NRL: variants seen among roughly 807,000 people sequenced by gnomAD.
NRL encodes the protein neural retina leucine zipper, also known as neural retina-specific leucine zipper protein.
NRL carries 16 observed loss-of-function variants against 12.5 expected under a neutral mutation model. The observed-to-expected ratio is 1.28, with a 90% CI of 0.87 to 1.95. NRL has a LOEUF of 1.95. Ranked by LOEUF, NRL falls within the 30% of genes most tolerant of loss-of-function variation. The probability of loss-of-function intolerance (pLI) is 0.00; values close to 1 mark genes in which losing one functional copy is unlikely to be tolerated. For missense variants in NRL, 314 were observed against 325.8 expected (o/e 0.96, Z 0.28); for synonymous variants, 142 against 150.9 (o/e 0.94, Z 0.43).
intron 1 of NRL, among the ~76,000 whole-genome samples, chr14:24,090,937 T>G (rs2036610203): frequency 6.6e-6 from 1 of 152,190 alleles, no homozygotes; most frequent in Admixed American, 6.5e-5. Context: ...TAAGTGCCTG[T>G]TATAGGCCAG....
At chr14:24,082,174 A>AC (rs1449484518) in intron 2 of NRL, 2 of 694,578 alleles carry the variant, frequency 2.9e-6, no homozygotes, top group South Asian at 6.5e-5. Flanking sequence ...GTATCTGTTT[A>AC]CCCCCCGGAG....
intron 1 of NRL, chr14:24,110,672 A>C (rs1256063287): frequency 1.3e-5 from 2 of 152,402 alleles, no homozygotes; most frequent in African/African-American, 2.4e-5. Flanking sequence ...CCATATTGCA[A>C]GATATTTAGA....
chr14:24,082,369 G>A, intron 2 of NRL, 99 bp downstream of exon 2: 1 of 1,478,056 alleles, frequency 6.8e-7, no homozygotes, highest in Non-Finnish European at 9.4e-7. Context: ...TCTGTCCCCT[G>A]TCCCAGTCCA....
In NRL at chr14:24,100,149, C is replaced by T. The variant is rs142798631; in HGVS notation, c.-28+14573G>A. 1.3e-4 allele frequency: 203 copies of T among 1,613,734 alleles called. No homozygotes were observed. Among genetic ancestry groups the T allele is most frequent in the Non-Finnish European group, 1.6e-4 (193 of 1,179,832 alleles). On this transcript the variant is annotated intron_variant, in intron 1 of 2. Coordinates refer to ENST00000561028, the MANE Select transcript of NRL (RefSeq NM_001354768.3). ...GTGATGGTGGCGTGTACTGGGAGGG[C>T]ATTGACCAGCCTCTTCCACCTGGTG...
chr14:24,102,896 C>T (rs1566581119), intron 1 of NRL: 1 of 1,612,474 alleles, frequency 6.2e-7, no homozygotes, highest in Non-Finnish European at 8.5e-7. Flanking sequence ...CAAAGGTAAA[C>T]AACATATGAG....
At chr14:24,114,531 A>G (rs2037490879) in intron 1 of NRL, 191 bp downstream of exon 1, 1 of 282,436 alleles carries the variant, frequency 3.5e-6, no homozygotes, top group Non-Finnish European at 5.3e-6. Context: ...CCTTGCTAAA[A>G]TACCTCTCGG....
At position 24,110,008 on chromosome 14, in the gene NRL, G is replaced by C. The variant is rs181440570; in HGVS notation, c.-28+4714C>G. ...TTTTGTTCGTTTTTCTGGACCTCAG[G>C]TGCTATAGCTGTATTCATCATAATC... is the stretch of plus-strand genomic sequence containing the variant. On this transcript the variant is annotated intron_variant, in intron 1 of 2. Transcript: ENST00000561028. 3.0e-3 allele frequency among the ~76,000 whole-genome samples: 461 copies of C among 152,206 alleles called. 4 individuals carry two copies. Among genetic ancestry groups the C allele is most frequent in the African/African-American group, 0.011 (440 of 41,524 alleles).
At chr14:24,100,286 A>G (rs1594302884) in intron 1 of NRL, 1 of 1,575,952 alleles carries the variant, frequency 6.3e-7, no homozygotes, top group Middle Eastern at 1.7e-4. Context: ...CTTTCTCCAC[A>G]ACCTCCAACC....
chr14:24,094,788 G>C lies in NRL; in HGVS notation c.-27-11913C>G, dbSNP rs777921818. ...CAGATACCTCCCTCGGACCTCTAAC[G>C]GGCTCTCAGCCAGCGCCCCAGGGTA... On this transcript the variant is annotated intron_variant, in intron 1 of 2. Transcript: ENST00000561028. The surrounding 1 kb of genome is among the most constrained non-coding windows in gnomAD (Gnocchi z 4.1). 7.3e-7 allele frequency: 1 copy of C among 1,376,694 alleles called. No individual in the cohort carries two copies. Among genetic ancestry groups the C allele is most frequent in the Non-Finnish European group, 9.6e-7 (1 of 1,045,904 alleles). The allele number at this position is 1,376,694 out of a possible 1,614,324, so 85.3% of individuals were successfully genotyped here. A position where few individuals can be genotyped will look rare whatever the true frequency, so the allele number is the denominator to read the frequency against.
At chr14:24,099,968 C>T (rs77978163) in intron 1 of NRL, 19,441 of 1,614,074 alleles carry the variant, frequency 0.012, 150 homozygotes, top group Non-Finnish European at 0.014. Flanking sequence ...TTGTTTGGTC[C>T]TTCCTTTCTT....
chr14:24,101,202 A>G (rs2037147852), intron 1 of NRL, among the ~76,000 whole-genome samples: 1 of 152,138 alleles, frequency 6.6e-6, no homozygotes, highest in South Asian at 2.1e-4. Context: ...CCCTTTCATC[A>G]TCTCCAGATT....
intron 1 of NRL, among the ~76,000 whole-genome samples, chr14:24,084,997 G>A (rs1381923579): frequency 6.6e-6 from 1 of 152,124 alleles, no homozygotes; most frequent in Non-Finnish European, 1.5e-5. Context: ...CACCTTCCAA[G>A]GCCCTGCAGC....
At chr14:24,095,405 C>A (rs565784181) in intron 1 of NRL, 187 of 371,698 alleles carry the variant, frequency 5.0e-4, no homozygotes, top group African/African-American at 3.6e-3. Flanking sequence ...TCCCCTGCCC[C>A]TGGGGCCACA....
At position 24,094,340 on chromosome 14, in the gene NRL, C is replaced by T; in HGVS notation, c.-27-11465G>A. 6.8e-7 allele frequency: 1 copy of T among 1,466,772 alleles called. No individual in the cohort carries two copies. The highest frequency in any genetic ancestry group is 9.2e-7 in the Non-Finnish European group (1 of 1,085,194). The allele number at this position is 1,466,772 out of a possible 1,614,324, so 90.9% of individuals were successfully genotyped here. A position where few individuals can be genotyped will look rare whatever the true frequency, so the allele number is the denominator to read the frequency against. ...CTCGCTTCGCCGCGCTCCCTCCTTCCCCGCCTTCCATACCTCCCCGGCTCC... is the reference window on the plus strand; with the variant it reads ...CTCGCTTCGCCGCGCTCCCTCCTTCTCCGCCTTCCATACCTCCCCGGCTCC... On this transcript the variant is annotated intron_variant, in intron 1 of 2. Transcript: ENST00000561028. This position sits in a 1 kb window ranked among gnomAD's most constrained non-coding sequence, Gnocchi z 4.1.
At chr14:24,114,315 T>A (rs1454724610) in intron 1 of NRL, 1 of 152,264 alleles carries the variant, frequency 6.6e-6, no homozygotes, top group Non-Finnish European at 1.5e-5. Context: ...AGAGCAAGGC[T>A]TCCAAAAGCT....
chr14:24,099,419 AGGCCTGATGGCAG>A (rs2037058766), intron 1 of NRL: 1 of 1,016,224 alleles, frequency 9.8e-7, no homozygotes, highest in Non-Finnish European at 1.4e-6. Flanking sequence ...CCACTAACCC[AGGCCTGATGGCAG>A]GGCAATCACT....
chr14:24,095,833 C>T (rs1402998032), intron 1 of NRL, among the ~76,000 whole-genome samples: 3 of 152,346 alleles, frequency 2.0e-5, no homozygotes, highest in Non-Finnish European at 4.4e-5. Context: ...AGCCCATGAA[C>T]CCCAGCCAGT....
rs1040368886 is a variant in NRL at position 24,081,376 on chromosome 14, C to A, written c.574G>T (p.Ala192Ser). The A allele has an allele frequency of 1.4e-6, 2 of 1,426,756 alleles. No individual in the cohort carries two copies. The highest frequency in any genetic ancestry group is 1.8e-6 in the Non-Finnish European group (2 of 1,093,786). 88.4% of individuals were successfully genotyped at this position (1,426,756 alleles called of 1,614,324 possible). A position where few individuals can be genotyped will look rare whatever the true frequency, so the allele number is the denominator to read the frequency against. Residue 192 changes from alanine (A) to serine (S), a missense_variant, in exon 3 of 3, where the codon GCC becomes TCC. Ala to Ser is a moderately conservative substitution (Grantham distance 99). Transcript: ENST00000561028. The surrounding 1 kb of genome is among the most constrained non-coding windows in gnomAD (Gnocchi z 4.4). ...GCGTCCAGCTGGGCGGCCAGGCGGG[C>A]GCGCTCGGCCTCCAGCCCGCGCCGC... Reference protein sequence around the residue: ...QQRRGLEAERARLAAQLDALR... With the variant: ...QQRRGLEAERSRLAAQLDALR...
intron 1 of NRL, among the ~76,000 whole-genome samples, chr14:24,091,624 G>A (rs1422399423): frequency 6.6e-6 from 1 of 152,074 alleles, no homozygotes; most frequent in Non-Finnish European, 1.5e-5. Context: ...TAGGGAGAGG[G>A]GGACTTGGTA....
Sources: allele counts gnomAD v4.1 joint callset (sites outside exome capture counted in the v4.1 genomes callset), GRCh38; gene constraint gnomAD v4.1.1; non-coding constraint Gnocchi (gnomAD v3.1); transcripts MANE v1.5; gene names NCBI Gene and HGNC (gene_info 2026-07-23, HGNC 2026-07-21).